The following POMP variants were observed in gnomAD, a reference collection of about 807,000 sequenced individuals.
POMP encodes 2510048O06Rik.
Under a neutral mutation model 20.6 loss-of-function variants are expected in POMP, and 12 were observed. That is an observed-to-expected ratio of 0.58 (90% confidence interval 0.37 to 0.94). The LOEUF is 0.94. Ranked by LOEUF, POMP falls within the 40% of genes least tolerant of loss-of-function variation. The pLI is 0.01. For missense variants in POMP, 136 were observed against 161.1 expected (o/e 0.84, Z 0.84); for synonymous variants, 53 against 55.0 (o/e 0.96, Z 0.16).
intron 5 of POMP, among the ~76,000 whole-genome samples, chr13:28,676,065 C>T (rs767911238): frequency 3.9e-5 from 6 of 151,916 alleles, no homozygotes; most frequent in East Asian, 1.9e-4. Flanking sequence ...AGTGCAGTGG[C>T]GCGATCTCTG....
chr13:28,659,310 C>T (rs1490173347), intron 1 of POMP, 123 bp downstream of exon 1: 5 of 1,458,674 alleles, frequency 3.4e-6, no homozygotes, highest in Non-Finnish European at 4.6e-6. Flanking sequence ...GGGCTGAGGC[C>T]GGCCTCAGGC....
At chr13:28,661,776 C>G (rs927564757) in intron 1 of POMP, among the ~76,000 whole-genome samples, 1 of 152,172 alleles carries the variant, frequency 6.6e-6, no homozygotes, top group African/African-American at 2.4e-5. Context: ...CAAACACTTT[C>G]TGAAATTCCC....
chr13:28,674,427 T>C (rs182668081), intron 5 of POMP, among the ~76,000 whole-genome samples: 6 of 152,336 alleles, frequency 3.9e-5, no homozygotes, highest in South Asian at 2.1e-4. Context: ...CTTTGTCTTA[T>C]GAGGCTGAAA....
chr13:28,667,330 G>A (rs910420925), intron 3 of POMP, among the ~76,000 whole-genome samples: 2 of 152,148 alleles, frequency 1.3e-5, no homozygotes, highest in African/African-American at 4.8e-5. Context: ...ATTCGAGGCT[G>A]TAGTGCTCTA....
intron 5 of POMP, among the ~76,000 whole-genome samples, chr13:28,674,508 C>A (rs1884598123): frequency 6.6e-6 from 1 of 152,110 alleles, no homozygotes; most frequent in South Asian, 2.1e-4. Context: ...AATGGAGAGA[C>A]CAATAGAGAA....
At chr13:28,667,138 T>C (rs1354376097) in intron 3 of POMP, among the ~76,000 whole-genome samples, 1 of 152,242 alleles carries the variant, frequency 6.6e-6, no homozygotes, top group Non-Finnish European at 1.5e-5. Flanking sequence ...ACACGGTTGC[T>C]AACTTACATG....
chr13:28,669,660 G>T (rs17087023), intron 4 of POMP, among the ~76,000 whole-genome samples: 5,578 of 152,198 alleles, frequency 0.037, 129 homozygotes, highest in South Asian at 0.094. Context: ...ACACTTTCCT[G>T]ATGTCCTCCT....
chr13:28,675,654 A>G (rs1407584266), intron 5 of POMP, among the ~76,000 whole-genome samples: 2 of 152,178 alleles, frequency 1.3e-5, no homozygotes, highest in South Asian at 2.1e-4. Context: ...TCCGTTAACT[A>G]CTGTTAGTCT....
chr13:28,661,547 A>G (rs973736880), intron 1 of POMP, among the ~76,000 whole-genome samples: 2 of 152,206 alleles, frequency 1.3e-5, no homozygotes, highest in Admixed American at 1.3e-4. Flanking sequence ...ATATATTTTC[A>G]TAAGCTGAAG....
chr13:28,676,178 G>A (rs777876881), intron 5 of POMP, among the ~76,000 whole-genome samples: 2 of 152,048 alleles, frequency 1.3e-5, no homozygotes. Context: ...CTAATTTTTT[G>A]TATTTTTACT....
At chr13:28,668,701 A>G (rs1460127153) in intron 4 of POMP, 127 bp downstream of exon 4, 1 of 758,004 alleles carries the variant, frequency 1.3e-6, no homozygotes, top group African/African-American at 1.7e-5. Flanking sequence ...TTTTTAGGGT[A>G]TGACCTTGAT....
intron 5 of POMP, among the ~76,000 whole-genome samples, chr13:28,674,031 T>C (rs924414238): frequency 6.6e-6 from 1 of 152,198 alleles, no homozygotes; most frequent in Non-Finnish European, 1.5e-5. Context: ...GAAAGAAACA[T>C]GAAATCATTG....
At chr13:28,667,425 A>G (rs185021901) in intron 3 of POMP, among the ~76,000 whole-genome samples, 131 of 152,318 alleles carry the variant, frequency 8.6e-4, no homozygotes, top group African/African-American at 3.0e-3. Context: ...CATGAGGATA[A>G]GCCAATATTT....
chr13:28,672,470 A>G, intron 5 of POMP, 38 bp downstream of exon 5: 1 of 1,461,564 alleles, frequency 6.8e-7, no homozygotes, highest in Non-Finnish European at 9.6e-7. Context: ...GAGCCCTTGT[A>G]ATTTAAAAGG....
chr13:28,673,837 T>C (rs1437838791), intron 5 of POMP, among the ~76,000 whole-genome samples: 3 of 152,246 alleles, frequency 2.0e-5, no homozygotes, highest in Non-Finnish European at 2.9e-5. Context: ...CAGTCAAATA[T>C]GTGTCAGGCA....
At chr13:28,673,407 A>G (rs1332277471) in intron 5 of POMP, among the ~76,000 whole-genome samples, 3 of 152,230 alleles carry the variant, frequency 2.0e-5, no homozygotes, top group Non-Finnish European at 4.4e-5. Context: ...GAATAATTGT[A>G]AATGAATTTA....
intron 3 of POMP, among the ~76,000 whole-genome samples, chr13:28,666,906 G>A (rs1228192139): frequency 6.6e-6 from 1 of 152,156 alleles, no homozygotes; most frequent in Non-Finnish European, 1.5e-5. Flanking sequence ...GTGCGGTGGG[G>A]GATGGGGGGA....
chr13:28,663,651 G>T (rs1391027421), intron 2 of POMP, among the ~76,000 whole-genome samples: 3 of 152,172 alleles, frequency 2.0e-5, no homozygotes, highest in Non-Finnish European at 4.4e-5. Context: ...TCTAATGCTG[G>T]TGTCTGAGTA....
intron 1 of POMP, 105 bp from the exon 2 acceptor site, chr13:28,662,305 C>T (rs1884356857): frequency 1.3e-6 from 1 of 774,804 alleles, no homozygotes; most frequent in Non-Finnish European, 2.1e-6. Context: ...TTTTGAGGGC[C>T]TCTTATTTTT....
Sources: gnomAD v4.1 joint callset for allele counts (sites outside exome capture counted in the v4.1 genomes callset) on GRCh38, gnomAD v4.1.1 for gene constraint, MANE v1.5 for transcripts, NCBI Gene and HGNC (gene_info 2026-07-23, HGNC 2026-07-21) for gene names.